The following QTMAN variants were observed in gnomAD, a reference collection of about 807,000 sequenced individuals.
QTMAN encodes queuosine-tRNA mannosyltransferase.
At chr2:143,944,092 T>C in the QTMAN span, 1 of 151,980 alleles carries the variant, frequency 6.6e-6, no homozygotes, top group African/African-American at 2.4e-5. Context: ...CAATAAATGA[T>C]GGGGGTGGTT....
chr2:143,978,709 T>C, the QTMAN span, among the ~76,000 whole-genome samples: 1 of 152,206 alleles, frequency 6.6e-6, no homozygotes, highest in Non-Finnish European at 1.5e-5. Context: ...AATTACTTCC[T>C]CTCAGACTGG....
the QTMAN span, among the ~76,000 whole-genome samples, chr2:144,298,715 G>A: frequency 2.8e-3 from 426 of 152,288 alleles, 3 homozygotes; most frequent in African/African-American, 9.8e-3. Context: ...TCAGGAAAGG[G>A]AGGAGAGGTC....
the QTMAN span, among the ~76,000 whole-genome samples, chr2:144,087,518 C>T: frequency 6.6e-6 from 1 of 151,972 alleles, no homozygotes; most frequent in Non-Finnish European, 1.5e-5. Context: ...AACAAAAAAA[C>T]TACAGGACAA....
the QTMAN span, among the ~76,000 whole-genome samples, chr2:144,182,879 A>G: frequency 1.2e-5 from 1 of 80,720 alleles, no homozygotes; most frequent in East Asian, 2.9e-4. Context: ...TATATTATAT[A>G]TATATTTTAT....
the QTMAN span, among the ~76,000 whole-genome samples, chr2:144,038,969 A>C: frequency 6.6e-6 from 1 of 152,158 alleles, no homozygotes; most frequent in East Asian, 1.9e-4. Flanking sequence ...CGAATACACA[A>C]CTGAGATTTT....
chr2:143,938,674 C>T, the QTMAN span: 2 of 152,072 alleles, frequency 1.3e-5, no homozygotes, highest in African/African-American at 2.4e-5. Context: ...TGCCATCTCC[C>T]CAACAGCATT....
chr2:143,942,212 T>C, the QTMAN span: 1 of 167,116 alleles, frequency 6.0e-6, no homozygotes, highest in South Asian at 2.1e-4. Flanking sequence ...CTCCTTGGGG[T>C]TGGGAGAGGA....
the QTMAN span, among the ~76,000 whole-genome samples, chr2:144,123,518 T>C: frequency 6.6e-6 from 1 of 152,102 alleles, no homozygotes; most frequent in South Asian, 2.1e-4. Context: ...TAAATAAAGT[T>C]TGTTTTTTCC....
the QTMAN span, among the ~76,000 whole-genome samples, chr2:144,192,508 G>T: frequency 7.9e-5 from 12 of 152,130 alleles, no homozygotes; most frequent in East Asian, 2.3e-3. Context: ...GCAACAAGTT[G>T]GTCAAATATA....
chr2:144,133,306 TATAA>T, the QTMAN span, among the ~76,000 whole-genome samples: 5 of 45,662 alleles, frequency 1.1e-4, no homozygotes, highest in South Asian at 4.6e-4. Flanking sequence ...TATATGTTCA[TATAA>T]ATATATATGT....
At chr2:144,127,188 C>T in the QTMAN span, among the ~76,000 whole-genome samples, 1 of 151,914 alleles carries the variant, frequency 6.6e-6, no homozygotes, top group Non-Finnish European at 1.5e-5. Context: ...TCAAAGATTA[C>T]ATATAATGAT....
chr2:144,163,266 T>C, the QTMAN span, among the ~76,000 whole-genome samples: 1 of 151,952 alleles, frequency 6.6e-6, no homozygotes, highest in Non-Finnish European at 1.5e-5. Context: ...AGTTCTATTA[T>C]ACAATTATAT....
chr2:144,148,663 T>C, the QTMAN span, among the ~76,000 whole-genome samples: 2 of 151,820 alleles, frequency 1.3e-5, no homozygotes, highest in African/African-American at 4.8e-5. Flanking sequence ...CTTCACTCTA[T>C]TTCTACCACA....
chr2:144,296,436 C>T, the QTMAN span, among the ~76,000 whole-genome samples: 1 of 152,078 alleles, frequency 6.6e-6, no homozygotes, highest in South Asian at 2.1e-4. Flanking sequence ...TATTGACTTC[C>T]ATCAAAAGTG....
the QTMAN span, among the ~76,000 whole-genome samples, chr2:144,073,196 A>T: frequency 6.6e-6 from 1 of 151,512 alleles, no homozygotes; most frequent in Non-Finnish European, 1.5e-5. Context: ...CTCACTCACT[A>T]TAAAAATGTG....
At chr2:143,949,063 T>C in the QTMAN span, among the ~76,000 whole-genome samples, 1 of 152,060 alleles carries the variant, frequency 6.6e-6, no homozygotes, top group Admixed American at 6.5e-5. Flanking sequence ...TTAAGAAACA[T>C]TTAATTTTTG....
At chr2:144,230,488 C>T in the QTMAN span, among the ~76,000 whole-genome samples, 1 of 152,044 alleles carries the variant, frequency 6.6e-6, no homozygotes, top group Admixed American at 6.6e-5. Flanking sequence ...ACCTAGGCCA[C>T]CATTCAATAG....
the QTMAN span, among the ~76,000 whole-genome samples, chr2:144,104,883 T>C: frequency 6.6e-6 from 1 of 152,170 alleles, no homozygotes; most frequent in Non-Finnish European, 1.5e-5. Context: ...ACACCTCACA[T>C]GGCCAGGTAA....
At chr2:144,240,924 T>C in the QTMAN span, among the ~76,000 whole-genome samples, 1 of 152,092 alleles carries the variant, frequency 6.6e-6, no homozygotes, top group African/African-American at 2.4e-5. Context: ...TTAAGCAGAG[T>C]GGTGCTTCCT....
Sources: allele counts gnomAD v4.1 joint callset (sites outside exome capture counted in the v4.1 genomes callset), GRCh38; gene constraint gnomAD v4.1.1; transcripts MANE v1.5; gene names NCBI Gene and HGNC (gene_info 2026-07-23, HGNC 2026-07-21).